Variants in SMYD3 observed in about 807,000 individuals in gnomAD.
The protein encoded by SMYD3 is histone-lysine N-methyltransferase SMYD3.
Under a neutral mutation model 57.7 loss-of-function variants are expected in SMYD3, and 36 were observed. The observed-to-expected ratio is 0.62, with a 90% CI of 0.48 to 0.82. SMYD3 has a LOEUF of 0.82. Among genes scored for constraint, SMYD3 ranks in the 40% least tolerant of loss-of-function variants. The pLI is 0.00. For missense variants in SMYD3, 515 were observed against 538.8 expected, an observed-to-expected ratio of 0.96 and a Z score of 0.44; for synonymous variants, 211 against 195.0, an observed-to-expected ratio of 1.08 and a Z score of -0.68.
At chr1:245,896,541 C>T (rs2053815152) in intron 8 of SMYD3, among the ~76,000 whole-genome samples, 1 of 152,108 alleles carries the variant, frequency 6.6e-6, no homozygotes, top group African/African-American at 2.4e-5. Flanking sequence ...ACAGGGAATA[C>T]AAATGTTTCA....
intron 5 of SMYD3, among the ~76,000 whole-genome samples, chr1:246,061,581 T>G (rs189566559): frequency 1.3e-5 from 2 of 150,162 alleles, no homozygotes; most frequent in South Asian, 2.1e-4. Flanking sequence ...AAAAGAAAAA[T>G]TAGCTAGTCA....
intron 10 of SMYD3, among the ~76,000 whole-genome samples, chr1:245,779,058 G>A (rs757968928): frequency 6.6e-6 from 1 of 151,752 alleles, no homozygotes; most frequent in East Asian, 1.9e-4. Flanking sequence ...TAATTGAGAG[G>A]ATGAAGCACA....
At chr1:246,387,053 C>A (rs2066495031) in intron 1 of SMYD3, among the ~76,000 whole-genome samples, 1 of 152,120 alleles carries the variant, frequency 6.6e-6, no homozygotes, top group South Asian at 2.1e-4. Context: ...GAGAATACAG[C>A]AAGCAGACTG....
At chr1:246,001,698 C>G (rs1389968966) in intron 5 of SMYD3, among the ~76,000 whole-genome samples, 2 of 152,128 alleles carry the variant, frequency 1.3e-5, no homozygotes, top group African/African-American at 4.8e-5. Flanking sequence ...TCTTTTTGAA[C>G]TACAAATGAT....
chr1:246,194,994 C>G (rs946950848), intron 5 of SMYD3, among the ~76,000 whole-genome samples: 10 of 152,204 alleles, frequency 6.6e-5, no homozygotes, highest in Non-Finnish European at 1.3e-4. Flanking sequence ...CTGCCAGTTT[C>G]TACGCTATAC....
At chr1:246,494,889 GAATT>G (rs1558490815) in intron 1 of SMYD3, among the ~76,000 whole-genome samples, 2 of 152,118 alleles carry the variant, frequency 1.3e-5, no homozygotes, top group African/African-American at 4.8e-5. Flanking sequence ...TGAACATGCA[GAATT>G]ATTTATAGAT....
intron 10 of SMYD3, among the ~76,000 whole-genome samples, chr1:245,784,531 G>A (rs2046957897): frequency 6.6e-6 from 1 of 152,058 alleles, no homozygotes; most frequent in Non-Finnish European, 1.5e-5. Context: ...TTCCAAGATG[G>A]CTTCTTCATT....
chr1:246,349,979 T>C (rs561319218), intron 2 of SMYD3, among the ~76,000 whole-genome samples: 11 of 152,322 alleles, frequency 7.2e-5, no homozygotes, highest in Non-Finnish European at 1.5e-4. Context: ...AAGACAGGAA[T>C]GGTCGCAGTG....
chr1:246,109,300 G>C (rs1252451798), intron 5 of SMYD3, among the ~76,000 whole-genome samples: 1 of 152,108 alleles, frequency 6.6e-6, no homozygotes. Context: ...CTTGGAAACA[G>C]CTCACATACA....
At chr1:246,463,868 AAAAG>A (rs2067844758) in intron 1 of SMYD3, among the ~76,000 whole-genome samples, 1 of 150,036 alleles carries the variant, frequency 6.7e-6, no homozygotes, top group Non-Finnish European at 1.5e-5. Context: ...GTGTGGAATT[AAAAG>A]AAAGGTCTGT....
chr1:246,102,026 C>T (rs1416802750), intron 5 of SMYD3, among the ~76,000 whole-genome samples: 1 of 152,192 alleles, frequency 6.6e-6, no homozygotes, highest in Non-Finnish European at 1.5e-5. Flanking sequence ...GCTTTAATTT[C>T]TCCACAGACC....
At chr1:246,375,155 G>A (rs1012300129) in intron 1 of SMYD3, among the ~76,000 whole-genome samples, 7 of 152,206 alleles carry the variant, frequency 4.6e-5, no homozygotes, top group African/African-American at 1.7e-4. Context: ...ACAAGGTTAT[G>A]TACTGATCAG....
intron 5 of SMYD3, among the ~76,000 whole-genome samples, chr1:246,226,879 T>G (rs1442861438): frequency 1.3e-5 from 2 of 152,246 alleles, no homozygotes; most frequent in Admixed American, 1.3e-4. Context: ...ATTAATGAAC[T>G]TTAAAGCTCA....
chr1:246,259,952 C>A (rs1052663583), intron 5 of SMYD3, among the ~76,000 whole-genome samples: 4 of 152,232 alleles, frequency 2.6e-5, no homozygotes, highest in African/African-American at 9.6e-5. Flanking sequence ...CAGAAGAGCT[C>A]TGCCTAGGTG....
chr1:246,163,373 A>C (rs1456086508), intron 5 of SMYD3, among the ~76,000 whole-genome samples: 1 of 152,226 alleles, frequency 6.6e-6, no homozygotes, highest in East Asian at 1.9e-4. Flanking sequence ...CATTCATGAA[A>C]TAGCAAGAGA....
intron 10 of SMYD3, among the ~76,000 whole-genome samples, chr1:245,856,206 G>T (rs111384980): frequency 7.2e-5 from 11 of 152,350 alleles, no homozygotes; most frequent in Non-Finnish European, 1.6e-4. Flanking sequence ...AAAAGGCAAA[G>T]TATGACAACA....
intron 5 of SMYD3, among the ~76,000 whole-genome samples, chr1:246,227,109 C>T (rs1037687696): frequency 6.6e-6 from 1 of 152,148 alleles, no homozygotes; most frequent in African/African-American, 2.4e-5. Flanking sequence ...CCAAGTCCAA[C>T]GTCCCATATA....
intron 5 of SMYD3, among the ~76,000 whole-genome samples, chr1:246,270,963 T>A (rs1340097323): frequency 6.6e-6 from 1 of 152,156 alleles, no homozygotes; most frequent in Non-Finnish European, 1.5e-5. Context: ...TTTCCCCACA[T>A]CCTCCCCAAC....
chr1:245,967,806 T>C (rs2058193608), intron 5 of SMYD3, among the ~76,000 whole-genome samples: 1 of 152,216 alleles, frequency 6.6e-6, no homozygotes, highest in Admixed American at 6.5e-5. Context: ...GCGACTAATT[T>C]ACCCAAATAA....
Sources: gnomAD v4.1 joint callset for allele counts (sites outside exome capture counted in the v4.1 genomes callset) on GRCh38, gnomAD v4.1.1 for gene constraint, MANE v1.5 for transcripts, NCBI Gene and HGNC (gene_info 2026-07-23, HGNC 2026-07-21) for gene names.